The following EXOC1 variants were observed in gnomAD, a reference collection of about 807,000 sequenced individuals.
EXOC1 encodes the protein SEC3-like 1.
In EXOC1, 67 loss-of-function variants were observed where a neutral mutation model predicts 107.7. The observed-to-expected ratio is 0.62, with a 90% CI of 0.51 to 0.76. EXOC1 has a LOEUF of 0.76. EXOC1 is among the 30% of genes least tolerant of loss of function. The probability of loss-of-function intolerance (pLI) is 0.00; values close to 1 mark genes in which losing one functional copy is unlikely to be tolerated. For synonymous variants in EXOC1, 348 were observed against 353.5 expected (o/e 0.98, Z 0.17); for missense variants, 833 against 1,055.7 (o/e 0.79, Z 2.92).
chr4:55,895,888 C>T (rs1435345593), intron 15 of EXOC1, among the ~76,000 whole-genome samples: 1 of 152,144 alleles, frequency 6.6e-6, no homozygotes, highest in Admixed American at 6.5e-5. Flanking sequence ...TGTTTCTGTA[C>T]TCTGAAAATA....
chr4:55,872,973 T>G (rs1426952303), intron 8 of EXOC1, among the ~76,000 whole-genome samples: 1 of 152,126 alleles, frequency 6.6e-6, no homozygotes, highest in Non-Finnish European at 1.5e-5. Context: ...TAGTAGAGAC[T>G]ATTTTGGCCA....
At chr4:55,858,843 A>G (rs1047245616) in intron 2 of EXOC1, among the ~76,000 whole-genome samples, 23 of 152,128 alleles carry the variant, frequency 1.5e-4, no homozygotes, top group African/African-American at 5.3e-4. Context: ...TATGCATCCC[A>G]GTTAGTGGCT....
intron 10 of EXOC1, among the ~76,000 whole-genome samples, chr4:55,884,204 G>A (rs1723666553): frequency 6.6e-6 from 1 of 152,174 alleles, no homozygotes; most frequent in African/African-American, 2.4e-5. Context: ...AGCAGTTGGT[G>A]AGAAAATGAA....
intron 16 of EXOC1, among the ~76,000 whole-genome samples, chr4:55,898,020 A>G (rs1725440893): frequency 6.6e-6 from 1 of 152,180 alleles, no homozygotes; most frequent in Non-Finnish European, 1.5e-5. Flanking sequence ...CTTTGGAAGG[A>G]CCAGTTGGGG....
intron 10 of EXOC1, among the ~76,000 whole-genome samples, chr4:55,884,881 C>G (rs1723721985): frequency 6.6e-6 from 1 of 152,108 alleles, no homozygotes; most frequent in Admixed American, 6.6e-5. Flanking sequence ...GGTAATTATT[C>G]TGTAACTCAC....
chr4:55,902,208 A>T, intron 17 of EXOC1, 136 bp from the exon 18 acceptor site: 2 of 555,388 alleles, frequency 3.6e-6, no homozygotes, highest in Non-Finnish European at 2.9e-6. Context: ...TTAATAAGTG[A>T]TTGTTATTTT....
chr4:55,873,082 A>G (rs1290983624), intron 8 of EXOC1, among the ~76,000 whole-genome samples: 6 of 152,268 alleles, frequency 3.9e-5, no homozygotes, highest in South Asian at 2.1e-4. Context: ...TAGTAATAGT[A>G]GTAATATTAA....
intron 8 of EXOC1, chr4:55,875,662 A>G (rs745486323): frequency 2.2e-4 from 215 of 985,166 alleles, no homozygotes; most frequent in Non-Finnish European, 2.5e-4. Flanking sequence ...AATGAGGAAG[A>G]TTGTTTTGGA....
intron 18 of EXOC1, among the ~76,000 whole-genome samples, chr4:55,903,939 A>G (rs1341967244): frequency 1.3e-5 from 2 of 152,178 alleles, no homozygotes; most frequent in African/African-American, 2.4e-5. Context: ...ATTACATTTT[A>G]TGTAATCACT....
chr4:55,881,957 G>C (rs985574430), intron 9 of EXOC1, among the ~76,000 whole-genome samples: 4 of 152,104 alleles, frequency 2.6e-5, no homozygotes, highest in Admixed American at 1.3e-4. Context: ...TAGAGGCAAG[G>C]GTTGCTGTGA....
chr4:55,860,301 C>T (rs1560328698), intron 2 of EXOC1, 110 bp from the exon 3 acceptor site: 1 of 1,363,472 alleles, frequency 7.3e-7, no homozygotes, highest in Non-Finnish European at 1.0e-6. Context: ...AGTATTACAC[C>T]TCTTTTAGTA....
At chr4:55,858,033 A>G (rs919924874) in intron 1 of EXOC1, among the ~76,000 whole-genome samples, 1 of 152,196 alleles carries the variant, frequency 6.6e-6, no homozygotes, top group Non-Finnish European at 1.5e-5. Context: ...AGAAAACTAT[A>G]TTAAAAGTTT....
At position 55,870,912 on chromosome 4, in the gene EXOC1, A is replaced by C. The variant is rs1403746017; in HGVS notation, c.831+7A>C. ...TGAGATAGAGTTCCTTGTGGTAAGT[A>C]TGATCATAAATTACCAACAAAAAAA... On this transcript the variant is annotated splice_region_variant and intron_variant, in intron 6 of 18. Transcript: ENST00000381295. 1 of 1,590,910 alleles carries C rather than the reference A, an allele frequency of 6.3e-7. No individual in the cohort carries two copies. The highest frequency in any genetic ancestry group is 8.6e-7 in the Non-Finnish European group (1 of 1,168,326).
intron 4 of EXOC1, among the ~76,000 whole-genome samples, chr4:55,866,064 C>T (rs900714544): frequency 1.3e-5 from 2 of 151,910 alleles, no homozygotes; most frequent in African/African-American, 4.8e-5. Flanking sequence ...AAATTACAGC[C>T]TTTAATTCCC....
chr4:55,901,536 A>G (rs1286221706), intron 17 of EXOC1, among the ~76,000 whole-genome samples: 2 of 152,146 alleles, frequency 1.3e-5, no homozygotes, highest in African/African-American at 2.4e-5. Flanking sequence ...TATATTTAAT[A>G]TAAAAAATCT....
rs1725251871 is a variant in EXOC1 at position 55,896,731 on chromosome 4, G to A, written c.1968G>A (p.Arg656=). The A allele has an allele frequency of 1.2e-6, 2 of 1,604,382 alleles. No individual in the cohort carries two copies. The highest frequency in any genetic ancestry group is 1.7e-6 in the Non-Finnish European group (2 of 1,177,408). The change falls in exon 16 of 19, where the codon AGG becomes AGA. Residue 656 remains arginine, a synonymous_variant. Coordinates refer to ENST00000381295, the MANE Select transcript of EXOC1 (RefSeq NM_001024924.2). The part of the protein sequence containing the change: ...NFDKCISNQI[R]QMEEVKISKK... The stretch of plus-strand genomic sequence containing the variant: ...CCTAACTTTAGAGTAACCAAATAAG[G>A]CAAATGGAAGAAGTAAAGATCTCAA...
At chr4:55,864,091 C>T in intron 3 of EXOC1, 136 bp from the exon 4 acceptor site, 1 of 607,120 alleles carries the variant, frequency 1.6e-6, no homozygotes, top group South Asian at 2.6e-5. Flanking sequence ...TCTCCAAACT[C>T]TTCCTTTCCA....
At position 55,904,515 on chromosome 4, in the gene EXOC1, G is replaced by A. The variant is rs773610072; in HGVS notation, c.*20G>A. 1 of 1,595,088 alleles carries A rather than the reference G, an allele frequency of 6.3e-7. No homozygotes were observed. The highest frequency in any genetic ancestry group is 1.1e-5 in the South Asian group (1 of 87,780). On this transcript the variant is annotated 3_prime_UTR_variant, in exon 19 of 19. Coordinates refer to ENST00000381295, the MANE Select transcript of EXOC1 (RefSeq NM_001024924.2). ...CACTAAACCTTGTGAAAGAAGAAAA[G>A]ATAACTGAATGAAGCATTTGAGTAT...
chr4:55,875,188 C>T (rs1722777547), intron 8 of EXOC1, among the ~76,000 whole-genome samples: 1 of 152,110 alleles, frequency 6.6e-6, no homozygotes, highest in South Asian at 2.1e-4. Flanking sequence ...TATACAGAAA[C>T]AAGCTATAAT....
Sources: allele counts gnomAD v4.1 joint callset (sites outside exome capture counted in the v4.1 genomes callset), GRCh38; gene constraint gnomAD v4.1.1; transcripts MANE v1.5; gene names NCBI Gene and HGNC (gene_info 2026-07-23, HGNC 2026-07-21).